The following CDC42SE2 variants were observed in gnomAD, a reference collection of about 807,000 sequenced individuals.
The protein encoded by CDC42SE2 is CDC42 small effector 2, also known as CDC42 small effector protein 2.
Under a neutral mutation model 11.5 loss-of-function variants are expected in CDC42SE2, and 3 were observed. The ratio of observed to expected loss-of-function variants is 0.26; its 90% CI spans 0.12 to 0.67. CDC42SE2 has a LOEUF of 0.67. CDC42SE2 is among the 30% of genes least tolerant of loss of function. The probability of loss-of-function intolerance (pLI) is 0.80; values close to 1 mark genes in which losing one functional copy is unlikely to be tolerated. For synonymous variants in CDC42SE2, 33 were observed against 34.8 expected, an observed-to-expected ratio of 0.95 and a Z score of 0.18; for missense variants, 82 against 106.8, an observed-to-expected ratio of 0.77 and a Z score of 1.02.
rs576133736 is a variant in CDC42SE2, at chr5:131,299,221, C to T, written c.-454-16755C>T. 2.6e-5 allele frequency among the ~76,000 whole-genome samples: 4 copies of T among 152,216 alleles called. No individual in the cohort carries two copies. The South Asian group carries it at 8.3e-4, about 32-fold the overall frequency. ...ATAATAGTCATTAAAGGGGGTTTTACGTCAGGAATAACATGATCAGACATT... is the reference window on the plus strand; with the variant it reads ...ATAATAGTCATTAAAGGGGGTTTTATGTCAGGAATAACATGATCAGACATT... On this transcript the variant is annotated intron_variant, in intron 1 of 4. Transcript: ENST00000505065.
rs532780757 is a variant in CDC42SE2, at chr5:131,329,985, C to G, written c.-286+13841C>G. On this transcript the variant is annotated intron_variant, in intron 2 of 4. Transcript: ENST00000505065. ...CTACCTCAAAATTCAGTGGCTTAAC[C>G]AACAATTATTCTATTATATCTCTCA... Among the ~76,000 whole-genome samples the G allele has an allele frequency of 1.4e-4, 20 of 146,824 alleles. No individual in the cohort carries two copies. The South Asian group carries it at 4.0e-3, about 30-fold the overall frequency.
At chr5:131,286,021 C>T (rs1757331885) in intron 1 of CDC42SE2, among the ~76,000 whole-genome samples, 1 of 150,748 alleles carries the variant, frequency 6.6e-6, no homozygotes, top group Admixed American at 6.7e-5. Flanking sequence ...CCAATACTAA[C>T]TGTAAAGGAA....
chr5:131,290,754 A>G (rs949957032), intron 1 of CDC42SE2, among the ~76,000 whole-genome samples: 3 of 152,140 alleles, frequency 2.0e-5, no homozygotes, highest in Non-Finnish European at 4.4e-5. Context: ...TGGTAGGATT[A>G]TAGGCATGAG....
chr5:131,278,615 ATATT>A (rs1458058966), intron 1 of CDC42SE2, among the ~76,000 whole-genome samples: 1 of 149,266 alleles, frequency 6.7e-6, no homozygotes, highest in Admixed American at 6.8e-5. Flanking sequence ...AGGTGGTCAA[ATATT>A]TATCAGCAGA....
At chr5:131,253,771 A>T (rs1300030367) in intron 1 of CDC42SE2, among the ~76,000 whole-genome samples, 5 of 151,758 alleles carry the variant, frequency 3.3e-5, no homozygotes, top group African/African-American at 7.3e-5. Flanking sequence ...GTCTAAAAAT[A>T]AAAAAAAATT....
intron 2 of CDC42SE2, among the ~76,000 whole-genome samples, chr5:131,317,339 C>T (rs762783770): frequency 1.3e-5 from 2 of 152,106 alleles, no homozygotes; most frequent in Non-Finnish European, 2.9e-5. Context: ...ATTTCACTTT[C>T]TTCTTCATTA....
At chr5:131,329,400 A>T (rs567072706) in intron 2 of CDC42SE2, among the ~76,000 whole-genome samples, 5 of 151,804 alleles carry the variant, frequency 3.3e-5, no homozygotes, top group African/African-American at 1.2e-4. Flanking sequence ...TTTCTTCCCT[A>T]CGGTTGATTT....
At chr5:131,272,072 G>A (rs944730294) in intron 1 of CDC42SE2, among the ~76,000 whole-genome samples, 9 of 152,066 alleles carry the variant, frequency 5.9e-5, no homozygotes, top group African/African-American at 2.2e-4. Context: ...GTGCAGTGGC[G>A]CGATCTTGGC....
intron 1 of CDC42SE2, among the ~76,000 whole-genome samples, chr5:131,312,001 T>C (rs1283931961): frequency 6.6e-6 from 1 of 152,196 alleles, no homozygotes; most frequent in Non-Finnish European, 1.5e-5. Context: ...CTGCATTCCT[T>C]TGGAGGAGGA....
At chr5:131,368,528 T>C (rs1247041933) in intron 3 of CDC42SE2, among the ~76,000 whole-genome samples, 2 of 152,236 alleles carry the variant, frequency 1.3e-5, no homozygotes, top group African/African-American at 4.8e-5. Flanking sequence ...AAAATTAGTT[T>C]GTCAGGTTTT....
chr5:131,343,450 T>C (rs1360398005), intron 2 of CDC42SE2, among the ~76,000 whole-genome samples: 1 of 152,122 alleles, frequency 6.6e-6, no homozygotes, highest in Non-Finnish European at 1.5e-5. Flanking sequence ...CGGTGGCTCA[T>C]GCCTGTAATT....
At chr5:131,281,932 G>A (rs995871847) in intron 1 of CDC42SE2, among the ~76,000 whole-genome samples, 6 of 152,132 alleles carry the variant, frequency 3.9e-5, no homozygotes, top group African/African-American at 1.4e-4. Flanking sequence ...AGAATAAGAT[G>A]TTAATAAATG....
At chr5:131,307,929 G>A (rs1757814379) in intron 1 of CDC42SE2, among the ~76,000 whole-genome samples, 1 of 152,096 alleles carries the variant, frequency 6.6e-6, no homozygotes, top group Non-Finnish European at 1.5e-5. Context: ...TTTTTTGCTT[G>A]TAAATTTGTT....
intron 3 of CDC42SE2, among the ~76,000 whole-genome samples, chr5:131,371,451 T>C (rs1580784157): frequency 6.6e-6 from 1 of 152,300 alleles, no homozygotes; most frequent in East Asian, 1.9e-4. Flanking sequence ...TATTGAACTT[T>C]CTTATAGTTT....
At chr5:131,317,473 T>G (rs1758064065) in intron 2 of CDC42SE2, among the ~76,000 whole-genome samples, 1 of 152,152 alleles carries the variant, frequency 6.6e-6, no homozygotes, top group Non-Finnish European at 1.5e-5. Context: ...CACAGAAAGA[T>G]TCCCTAAAGT....
intron 3 of CDC42SE2, among the ~76,000 whole-genome samples, chr5:131,384,537 G>C (rs946389184): frequency 6.6e-6 from 1 of 152,104 alleles, no homozygotes; most frequent in Non-Finnish European, 1.5e-5. Context: ...CCCATAGTAG[G>C]ACACTAACCC....
the CDC42SE2 span, among the ~76,000 whole-genome samples, chr5:131,230,150 G>T: frequency 1.4e-5 from 2 of 147,198 alleles, no homozygotes; most frequent in East Asian, 3.9e-4. Flanking sequence ...TTGTTCTAAT[G>T]ACAATTCTGT....
intron 3 of CDC42SE2, among the ~76,000 whole-genome samples, chr5:131,377,210 G>C (rs909813315): frequency 1.4e-5 from 2 of 139,694 alleles, no homozygotes; most frequent in Non-Finnish European, 3.1e-5. Flanking sequence ...GTCTCTCTCT[G>C]TTGCCCAGGC....
At chr5:131,298,179 C>T (rs759782624) in intron 1 of CDC42SE2, among the ~76,000 whole-genome samples, 23 of 151,276 alleles carry the variant, frequency 1.5e-4, no homozygotes, top group East Asian at 7.8e-4. Flanking sequence ...CTCGGCTCAG[C>T]GCAACCTCTG....
Sources: allele counts gnomAD v4.1 joint callset (sites outside exome capture counted in the v4.1 genomes callset), GRCh38; gene constraint gnomAD v4.1.1; transcripts MANE v1.5; gene names NCBI Gene and HGNC (gene_info 2026-07-23, HGNC 2026-07-21).